PPARA: variants seen among roughly 807,000 people sequenced by gnomAD.
The protein encoded by PPARA is peroxisome proliferator activated receptor alpha.
PPARA carries 22 observed loss-of-function variants against 42.2 expected under a neutral mutation model. That is an observed-to-expected ratio of 0.52 (90% confidence interval 0.37 to 0.74). The LOEUF (loss-of-function observed/expected upper bound fraction) is 0.74, where lower values mean the gene tolerates loss of function less well. Among genes scored for constraint, PPARA ranks in the 30% least tolerant of loss-of-function variants. The pLI, the probability that PPARA is intolerant of heterozygous loss-of-function variation, is 0.00. For synonymous variants in PPARA, 242 were observed against 239.3 expected (o/e 1.01, Z -0.10); for missense variants, 465 against 608.2 (o/e 0.76, Z 2.48).
At position 46,234,236 on chromosome 22, in the gene PPARA, AC is replaced by A. The variant is rs1328096512; in HGVS notation, c.1160-893del. On this transcript the variant is annotated intron_variant, in intron 8 of 8. Coordinates refer to ENST00000407236, the MANE Select transcript of PPARA (RefSeq NM_005036.6). This position sits in a 1 kb window ranked among gnomAD's most constrained non-coding sequence, Gnocchi z 5.8. ...AGTCCAGCCTAAGCAACAGAGCAAG[AC>A]CCCATCACTAAAACAATACAAAAAC... Among the ~76,000 whole-genome samples the A allele has an allele frequency of 7.9e-5, 12 of 152,174 alleles. No individual in the cohort carries two copies. The highest frequency in any genetic ancestry group is 2.0e-4 in the Admixed American group (3 of 15,280).
At chr22:46,205,562 T>A (rs1285102410) in intron 4 of PPARA, among the ~76,000 whole-genome samples, 73 of 65,256 alleles carry the variant, frequency 1.1e-3, no homozygotes, top group Non-Finnish European at 1.4e-3. Context: ...ATATTTTTTT[T>A]TTTTTTTTTT....
chr22:46,219,741 C>A lies in PPARA; in HGVS notation c.509-71C>A. 6.8e-7 allele frequency: 1 copy of A among 1,481,280 alleles called. No individual in the cohort carries two copies. The highest frequency in any genetic ancestry group is 1.4e-5 in the African/African-American group (1 of 72,002). 91.8% of individuals were successfully genotyped at this position (1,481,280 alleles called of 1,614,324 possible). On this transcript the variant is annotated intron_variant, in intron 6 of 8. Transcript: ENST00000407236. This position sits in a 1 kb window ranked among gnomAD's most constrained non-coding sequence, Gnocchi z 4.8. ...TCCTGGTTTAAAGTCCTGGGGGAGC[C>A]CCTCGTCCAGCCCTGTCCGCGCAGT...
chr22:46,224,652 C>T lies in PPARA; in HGVS notation c.711+4638C>T, dbSNP rs1451130815. Among the ~76,000 whole-genome samples, 1 of 152,086 alleles carries T rather than the reference C, an allele frequency of 6.6e-6. No homozygotes were observed. Among genetic ancestry groups the T allele is most frequent in the Admixed American group, 6.6e-5 (1 of 15,266 alleles). On this transcript the variant is annotated intron_variant, in intron 7 of 8. Coordinates refer to ENST00000407236, the MANE Select transcript of PPARA (RefSeq NM_005036.6). The surrounding 1 kb of genome is among the most constrained non-coding windows in gnomAD (Gnocchi z 5.7). Reference sequence around the variant, plus strand: ...TTCTGTTTGGGGATGAGAGGCGGCACAGTAAACTGTCCAGGCCAGTAAACT... The same window carrying T: ...TTCTGTTTGGGGATGAGAGGCGGCATAGTAAACTGTCCAGGCCAGTAAACT...
At chr22:46,151,711 A>T (rs1281352970) in intron 1 of PPARA, among the ~76,000 whole-genome samples, 177 bp from the exon 2 acceptor site, 1 of 152,192 alleles carries the variant, frequency 6.6e-6, no homozygotes, top group Non-Finnish European at 1.5e-5. Context: ...CCTTGGGATA[A>T]GGGTGCCTTG....
intron 2 of PPARA, among the ~76,000 whole-genome samples, chr22:46,153,964 A>G (rs1377698349): frequency 6.6e-6 from 1 of 152,216 alleles, no homozygotes; most frequent in African/African-American, 2.4e-5. Context: ...CGAGTAGGTT[A>G]TGAAAAATCT....
chr22:46,182,837 C>T lies in PPARA; in HGVS notation c.-43+6001C>T, dbSNP rs1439028935. On this transcript the variant is annotated intron_variant, in intron 3 of 8. Coordinates refer to ENST00000407236, the MANE Select transcript of PPARA (RefSeq NM_005036.6). This position sits in a 1 kb window ranked among gnomAD's most constrained non-coding sequence, Gnocchi z 5.2. ...TCAGAGCACTGTAACCTCCGCCTCC[C>T]GGGTTCAAGCGATTCTCATGCCTCA... Among the ~76,000 whole-genome samples, 11 of 152,232 alleles carry T rather than the reference C, an allele frequency of 7.2e-5. No homozygotes were observed. The highest frequency in any genetic ancestry group is 9.6e-5 in the African/African-American group (4 of 41,546).
At chr22:46,154,887 C>T (rs1925022547) in intron 2 of PPARA, 1 of 148,412 alleles carries the variant, frequency 6.7e-6, no homozygotes, top group South Asian at 2.1e-4. Context: ...TTGTTCAGAC[C>T]TGTCTCAAAC....
intron 5 of PPARA, among the ~76,000 whole-genome samples, chr22:46,215,749 A>C (rs904104624): frequency 5.9e-5 from 9 of 151,926 alleles, no homozygotes; most frequent in Admixed American, 6.6e-5. Flanking sequence ...TCTTAAAAAA[A>C]AAGAAAGAAA....
intron 3 of PPARA, 84 bp from the exon 4 acceptor site, chr22:46,198,258 A>AAG: frequency 2.0e-6 from 1 of 498,772 alleles, no homozygotes; most frequent in Non-Finnish European, 3.1e-6. Context: ...AAAAAAGAAT[A>AAG]AATAAATAAA....
chr22:46,214,455 G>A (rs117179811), intron 4 of PPARA, among the ~76,000 whole-genome samples: 210 of 150,332 alleles, frequency 1.4e-3, no homozygotes, highest in Non-Finnish European at 2.3e-3. Flanking sequence ...GCGTGGGTCC[G>A]GAGATGCGCA....
intron 4 of PPARA, among the ~76,000 whole-genome samples, chr22:46,205,368 C>T (rs1933128465): frequency 6.7e-6 from 1 of 149,392 alleles, no homozygotes; most frequent in African/African-American, 2.5e-5. Context: ...AGGTACCTGC[C>T]ACCATGCCCG....
At chr22:46,217,398 C>A (rs934995424) in intron 5 of PPARA, among the ~76,000 whole-genome samples, 5 of 152,160 alleles carry the variant, frequency 3.3e-5, no homozygotes, top group African/African-American at 1.2e-4. Context: ...TTCCTTAGGG[C>A]CATGATTAAT....
rs890495835 is a variant in PPARA, at chr22:46,162,167, C to G, written c.-127+10197C>G. On this transcript the variant is annotated intron_variant, in intron 2 of 8. Coordinates refer to ENST00000407236, the MANE Select transcript of PPARA (RefSeq NM_005036.6). The surrounding 1 kb of genome is among the most constrained non-coding windows in gnomAD (Gnocchi z 6.0). ...AGCTGGCCTGTGGCTCAGTTTCCCT[C>G]AGCTACAAGAGGGGTGCATGCTAGG... 1.1e-4 allele frequency among the ~76,000 whole-genome samples: 17 copies of G among 152,206 alleles called. No individual in the cohort carries two copies. Among genetic ancestry groups the G allele is most frequent in the Admixed American group, 9.8e-4 (15 of 15,280 alleles).
intron 2 of PPARA, among the ~76,000 whole-genome samples, chr22:46,174,441 AT>A (rs1928697432): frequency 1.3e-5 from 2 of 152,234 alleles, no homozygotes; most frequent in Admixed American, 6.5e-5. Flanking sequence ...TTTCTATGTT[AT>A]ATATCCTAGC....
intron 2 of PPARA, among the ~76,000 whole-genome samples, chr22:46,158,059 G>A (rs1156773603): frequency 2.6e-5 from 4 of 152,186 alleles, no homozygotes; most frequent in Admixed American, 2.6e-4. Context: ...TGAGGCTATA[G>A]TAAAGCAGAA....
intron 2 of PPARA, among the ~76,000 whole-genome samples, chr22:46,169,986 C>T (rs1927738412): frequency 6.6e-6 from 1 of 152,006 alleles, no homozygotes; most frequent in Non-Finnish European, 1.5e-5. Context: ...CAATGCACTC[C>T]CTCCCAGGCT....
At position 46,232,654 on chromosome 22, in the gene PPARA, TA is replaced by T. The variant is rs571695099; in HGVS notation, c.1159+424del. Among the ~76,000 whole-genome samples the T allele has an allele frequency of 3.5e-3, 526 of 149,244 alleles. 2 individuals carry two copies. In the Middle Eastern group the frequency reaches 0.039, roughly 11 times the overall value. On this transcript the variant is annotated intron_variant, in intron 8 of 8. Coordinates refer to ENST00000407236, the MANE Select transcript of PPARA (RefSeq NM_005036.6). The surrounding 1 kb of genome is among the most constrained non-coding windows in gnomAD (Gnocchi z 5.3). Reference sequence around the variant, plus strand: ...GGCAACAGAACAAGACCTATTTCTTTAAAAAAAAATTATATATTTTGCACAA... The same window carrying T: ...GGCAACAGAACAAGACCTATTTCTTTAAAAAAAATTATATATTTTGCACAA...
Position 46,219,686 on chromosome 22 carries a change from G to C in PPARA, c.509-126G>C. ...AGTGGAAAGCCGAATAGTAATGAAG[G>C]ATGGGTCTGAACTGCCTGTGAATTT... On this transcript the variant is annotated intron_variant, in intron 6 of 8. Coordinates refer to ENST00000407236, the MANE Select transcript of PPARA (RefSeq NM_005036.6). This position sits in a 1 kb window ranked among gnomAD's most constrained non-coding sequence, Gnocchi z 4.8. 1 of 892,378 alleles carries C rather than the reference G, an allele frequency of 1.1e-6. No individual in the cohort carries two copies. The highest frequency in any genetic ancestry group is 1.8e-6 in the Non-Finnish European group (1 of 549,568). The allele number at this position is 892,378 out of a possible 1,614,324, so 55.3% of individuals were successfully genotyped here.
At position 46,182,647 on chromosome 22, in the gene PPARA, T is replaced by G. The variant is rs1930128199; in HGVS notation, c.-43+5811T>G. On this transcript the variant is annotated intron_variant, in intron 3 of 8. Transcript: ENST00000407236. This position sits in a 1 kb window ranked among gnomAD's most constrained non-coding sequence, Gnocchi z 5.2. The stretch of plus-strand genomic sequence containing the variant: ...CGGCTATGATAGTGGTTTCACAGGT[T>G]GATACATACGGCAAAAAATACCAAA... 6.6e-6 allele frequency among the ~76,000 whole-genome samples: 1 copy of G among 152,178 alleles called. No individual in the cohort carries two copies. The highest frequency in any genetic ancestry group is 1.5e-5 in the Non-Finnish European group (1 of 68,034).
Sources: gnomAD v4.1 joint callset for allele counts (sites outside exome capture counted in the v4.1 genomes callset) on GRCh38, gnomAD v4.1.1 for gene constraint, Gnocchi (gnomAD v3.1) non-coding constraint, MANE v1.5 for transcripts, NCBI Gene and HGNC (gene_info 2026-07-23, HGNC 2026-07-21) for gene names.